XRCC5: variants seen among roughly 807,000 people sequenced by gnomAD.
XRCC5 encodes DNA repair protein Ku80.
Under a neutral mutation model 95.7 loss-of-function variants are expected in XRCC5, and 12 were observed. That is an observed-to-expected ratio of 0.13 (90% confidence interval 0.08 to 0.20). The LOEUF (loss-of-function observed/expected upper bound fraction) is 0.20. Among genes scored for constraint, XRCC5 ranks in the 10% least tolerant of loss-of-function variants. XRCC5 has a pLI of 1.00. For synonymous variants in XRCC5, 281 were observed against 290.3 expected (o/e 0.97, Z 0.33); for missense variants, 595 against 873.9 (o/e 0.68, Z 4.02).
chr2:216,181,585 T>C (rs1032192898), intron 16 of XRCC5, among the ~76,000 whole-genome samples: 2 of 152,228 alleles, frequency 1.3e-5, no homozygotes, highest in African/African-American at 4.8e-5. Context: ...TCTAAAGAGA[T>C]GCTTGTGATT....
intron 14 of XRCC5, among the ~76,000 whole-genome samples, chr2:216,157,388 C>T (rs988961211): frequency 3.3e-5 from 5 of 152,006 alleles, no homozygotes; most frequent in African/African-American, 1.2e-4. Context: ...TGCCCGCCAC[C>T]ATGCCCGGCT....
At chr2:216,180,433 C>A (rs1213265391) in intron 16 of XRCC5, among the ~76,000 whole-genome samples, 1 of 152,210 alleles carries the variant, frequency 6.6e-6, no homozygotes, top group Non-Finnish European at 1.5e-5. Context: ...CAAGACCAGC[C>A]TAGCCAACAT....
At chr2:216,125,654 A>G (rs538350526) in intron 6 of XRCC5, among the ~76,000 whole-genome samples, 1 of 152,304 alleles carries the variant, frequency 6.6e-6, no homozygotes, top group East Asian at 1.9e-4. Flanking sequence ...GAGTTGAAAT[A>G]AAGTATTGAA....
intron 11 of XRCC5, 136 bp from the exon 12 acceptor site, chr2:216,137,953 C>G: frequency 1.5e-6 from 1 of 680,708 alleles, no homozygotes; most frequent in Non-Finnish European, 2.4e-6. Context: ...AAACACTTCA[C>G]TTTTCATATG....
intron 14 of XRCC5, among the ~76,000 whole-genome samples, chr2:216,159,017 C>T (rs779720247): frequency 2.6e-5 from 4 of 152,090 alleles, no homozygotes; most frequent in Admixed American, 6.6e-5. Flanking sequence ...TAACTGTTCT[C>T]ATAATAAAAT....
intron 8 of XRCC5, chr2:216,128,107 A>G (rs1253016561): frequency 1.3e-5 from 2 of 152,952 alleles, no homozygotes; most frequent in African/African-American, 4.8e-5. Context: ...AATTATTTGT[A>G]TTTATTATAT....
At chr2:216,171,628 T>C (rs62178690) in intron 16 of XRCC5, among the ~76,000 whole-genome samples, 2,221 of 152,352 alleles carry the variant, frequency 0.015, 27 homozygotes, top group Non-Finnish European at 0.016. Context: ...CAGGATAATA[T>C]GGTATTTCAT....
In XRCC5 at chr2:216,178,467, G is replaced by A. The variant is rs1007387058; in HGVS notation, c.1835-11758G>A. 4.6e-5 allele frequency among the ~76,000 whole-genome samples: 7 copies of A among 151,800 alleles called. 1 individual carries two copies. The highest frequency in any genetic ancestry group is 3.4e-3 in the Middle Eastern group (1 of 294). ...TAATTGTTTTAGGGTATAATAAATT[G>A]GGGATATAGTCAGAGACAGTACATT... On this transcript the variant is annotated intron_variant, in intron 16 of 20. Coordinates refer to ENST00000392132, the MANE Select transcript of XRCC5 (RefSeq NM_021141.4).
intron 16 of XRCC5, among the ~76,000 whole-genome samples, chr2:216,170,824 GA>G (rs1317088882): frequency 6.6e-6 from 1 of 152,228 alleles, no homozygotes; most frequent in East Asian, 1.9e-4. Flanking sequence ...GTGAGACAGA[GA>G]GCAGTTCAAG....
chr2:216,193,699 T>G (rs1203122828), intron 18 of XRCC5, among the ~76,000 whole-genome samples: 1 of 152,248 alleles, frequency 6.6e-6, no homozygotes, highest in East Asian at 1.9e-4. Flanking sequence ...ATTGAATGCC[T>G]ATAGCGTATT....
intron 17 of XRCC5, 43 bp downstream of exon 17, chr2:216,190,377 G>A (rs41302516): frequency 0.025 from 38,649 of 1,552,534 alleles, 618 homozygotes; most frequent in Middle Eastern, 0.073. Flanking sequence ...AACAGTTGGC[G>A]ACTATCACAG....
In XRCC5 at chr2:216,139,699, A is replaced by C. The variant is rs1489567096; in HGVS notation, c.1343-1487A>C. On this transcript the variant is annotated intron_variant, in intron 12 of 20. Coordinates refer to ENST00000392132, the MANE Select transcript of XRCC5 (RefSeq NM_021141.4). ...TTTTTAAAATTGTTTGTAGAGATGG[A>C]ATCTCACTATGTTGTTGTGGCTGGT... 3.3e-5 allele frequency among the ~76,000 whole-genome samples: 5 copies of C among 152,070 alleles called. No individual in the cohort carries two copies. In the East Asian group the frequency reaches 7.7e-4, roughly 23 times the overall value.
chr2:216,179,532 G>A (rs1260933862), intron 16 of XRCC5, among the ~76,000 whole-genome samples: 1 of 152,216 alleles, frequency 6.6e-6, no homozygotes, highest in Non-Finnish European at 1.5e-5. Context: ...ATAATTTTAT[G>A]TAGAGGATCA....
intron 1 of XRCC5, among the ~76,000 whole-genome samples, chr2:216,111,981 C>T (rs1208430448): frequency 6.6e-6 from 1 of 152,158 alleles, no homozygotes; most frequent in Non-Finnish European, 1.5e-5. Flanking sequence ...TTGATACAGA[C>T]CAACATATTT....
chr2:216,153,834 C>G (rs1367913390), intron 14 of XRCC5, among the ~76,000 whole-genome samples: 1 of 152,184 alleles, frequency 6.6e-6, no homozygotes, highest in African/African-American at 2.4e-5. Context: ...TACTAAATAC[C>G]TATCTTCAGC....
At chr2:216,109,573 A>G in intron 1 of XRCC5, 116 bp downstream of exon 1, 1 of 1,465,024 alleles carries the variant, frequency 6.8e-7, no homozygotes, top group Non-Finnish European at 9.3e-7. Context: ...AGAGAAGATC[A>G]TGGTGGTGGG....
At chr2:216,149,824 G>T (rs1468156318) in intron 14 of XRCC5, among the ~76,000 whole-genome samples, 1 of 152,126 alleles carries the variant, frequency 6.6e-6, no homozygotes, top group Non-Finnish European at 1.5e-5. Flanking sequence ...CTGGAAGCTT[G>T]GGTGTGCTGA....
At chr2:216,175,656 G>A (rs937460759) in intron 16 of XRCC5, 2 of 415,860 alleles carry the variant, frequency 4.8e-6, no homozygotes, top group Non-Finnish European at 4.6e-6. Context: ...GTTCTTCACT[G>A]TTAGGTGGGC....
intron 2 of XRCC5, among the ~76,000 whole-genome samples, chr2:216,114,523 C>T (rs1412706469): frequency 6.6e-6 from 1 of 151,550 alleles, no homozygotes; most frequent in African/African-American, 2.4e-5. Flanking sequence ...GAGAGGGCCC[C>T]CGAGAATGTT....
Sources: allele counts gnomAD v4.1 joint callset (sites outside exome capture counted in the v4.1 genomes callset), GRCh38; gene constraint gnomAD v4.1.1; transcripts MANE v1.5; gene names NCBI Gene and HGNC (gene_info 2026-07-23, HGNC 2026-07-21).